The following NCAM2 variants were observed in gnomAD, a reference collection of about 807,000 sequenced individuals.
NCAM2 encodes neural cell adhesion molecule 2, also known as N-CAM-2.
A neutral mutation model predicts 98.1 loss-of-function variants in NCAM2; 30 were observed. That is an observed-to-expected ratio of 0.31 (90% confidence interval 0.23 to 0.41). The LOEUF is 0.41. Ranked by LOEUF, NCAM2 falls within the 10% of genes least tolerant of loss-of-function variation. The pLI, the probability that NCAM2 is intolerant of heterozygous loss-of-function variation, is 1.00. For missense variants in NCAM2, 867 were observed against 1,005.8 expected (o/e 0.86, Z 1.87); for synonymous variants, 368 against 342.4 (o/e 1.07, Z -0.83).
intron 1 of NCAM2, among the ~76,000 whole-genome samples, chr21:21,237,685 C>T (rs2070887733): frequency 6.6e-6 from 1 of 151,840 alleles, no homozygotes; most frequent in South Asian, 2.1e-4. Flanking sequence ...CTTGTCTTTT[C>T]AGAAATTTTA....
chr21:21,293,407 A>T (rs1393470408), intron 5 of NCAM2, among the ~76,000 whole-genome samples: 1 of 151,674 alleles, frequency 6.6e-6, no homozygotes, highest in Non-Finnish European at 1.5e-5. Context: ...CACTACTGTC[A>T]AGACAAAATC....
chr21:21,467,875 A>AAAAG (rs1045708119), intron 13 of NCAM2, among the ~76,000 whole-genome samples: 1 of 151,910 alleles, frequency 6.6e-6, no homozygotes, highest in African/African-American at 2.4e-5. Context: ...AAGAATGAAG[A>AAAAG]AAAGAAAGAA....
intron 1 of NCAM2, among the ~76,000 whole-genome samples, chr21:21,247,212 G>A (rs1169244260): frequency 1.3e-4 from 19 of 151,962 alleles, no homozygotes; most frequent in African/African-American, 4.6e-4. Context: ...CCAGCTACTC[G>A]GGAGGCTGAG....
chr21:21,123,287 G>A (rs545446741), intron 1 of NCAM2, among the ~76,000 whole-genome samples: 10 of 151,904 alleles, frequency 6.6e-5, no homozygotes, highest in Admixed American at 5.9e-4. Flanking sequence ...CCAGCTACTC[G>A]GGAGGCTGAG....
chr21:21,154,386 C>T lies in NCAM2; in HGVS notation c.56-126192C>T, dbSNP rs566075356. On this transcript the variant is annotated intron_variant, in intron 1 of 17. Transcript: ENST00000400546. ...ATTTAGGGAAATGGAATATGGATAG[C>T]ATAGTATATGCTATTAAAGAAGGAT... Among the ~76,000 whole-genome samples, 32 of 151,786 alleles carry T rather than the reference C, an allele frequency of 2.1e-4. 1 individual carries two copies. Among genetic ancestry groups the T allele is most frequent in the Admixed American group, 5.3e-4 (8 of 15,214 alleles).
intron 8 of NCAM2, among the ~76,000 whole-genome samples, chr21:21,365,027 C>CG (rs2075750034): frequency 6.6e-6 from 1 of 151,978 alleles, no homozygotes; most frequent in Admixed American, 6.6e-5. Context: ...AGATTTCAGG[C>CG]GGGAGCACAG....
chr21:21,300,025 T>G (rs897322693), intron 5 of NCAM2, among the ~76,000 whole-genome samples: 2 of 152,046 alleles, frequency 1.3e-5, no homozygotes, highest in Non-Finnish European at 2.9e-5. Context: ...TTAAAAAAAT[T>G]GTTCTATTTT....
chr21:21,253,786 A>G (rs2071559899), intron 1 of NCAM2, among the ~76,000 whole-genome samples: 1 of 152,196 alleles, frequency 6.6e-6, no homozygotes, highest in African/African-American at 2.4e-5. Context: ...TGCTTACGCT[A>G]TGAACTTGTA....
intron 1 of NCAM2, among the ~76,000 whole-genome samples, chr21:21,059,756 A>G (rs2065283946): frequency 6.6e-6 from 1 of 152,056 alleles, no homozygotes; most frequent in Non-Finnish European, 1.5e-5. Flanking sequence ...ATGTCTAGAG[A>G]CATTTTTGGT....
At chr21:21,481,220 G>A (rs1311877574) in intron 15 of NCAM2, among the ~76,000 whole-genome samples, 1 of 152,124 alleles carries the variant, frequency 6.6e-6, no homozygotes, top group Admixed American at 6.5e-5. Flanking sequence ...AATTACTGAA[G>A]AGTAGAAAGA....
intron 1 of NCAM2, among the ~76,000 whole-genome samples, chr21:21,027,442 G>A: frequency 6.6e-6 from 1 of 152,182 alleles, no homozygotes; most frequent in Non-Finnish European, 1.5e-5. Context: ...TACTTATGCA[G>A]ATTGTTCCAA....
At chr21:21,206,206 G>T (rs1281752196) in intron 1 of NCAM2, among the ~76,000 whole-genome samples, 1 of 152,060 alleles carries the variant, frequency 6.6e-6, no homozygotes, top group African/African-American at 2.4e-5. Flanking sequence ...GTTTCCATTT[G>T]TAATACATTA....
At chr21:21,044,033 C>T (rs371759212) in intron 1 of NCAM2, among the ~76,000 whole-genome samples, 1,452 of 23,220 alleles carry the variant, frequency 0.063, 19 homozygotes, top group African/African-American at 0.083. Flanking sequence ...TATTTGAAGA[C>T]TTTGTGTGTG....
chr21:21,052,181 G>A lies in NCAM2; in HGVS notation c.55+53563G>A, dbSNP rs529429429. Among the ~76,000 whole-genome samples, 11 of 117,416 alleles carry A rather than the reference G, an allele frequency of 9.4e-5. No homozygotes were observed. The East Asian group carries it at 2.3e-3, about 24-fold the overall frequency. The allele number at this position is 117,416 out of a possible 152,430, so 77.0% of individuals were successfully genotyped here. A position where few individuals can be genotyped will look rare whatever the true frequency, so the allele number is the denominator to read the frequency against. On this transcript the variant is annotated intron_variant, in intron 1 of 17. Transcript: ENST00000400546. Reference sequence around the variant, plus strand: ...TTTTTTTTTTTTTTTTTTTTGAGACGGAGTCTCGCTCTGTCGCCCAGGCTG... The same window carrying A: ...TTTTTTTTTTTTTTTTTTTTGAGACAGAGTCTCGCTCTGTCGCCCAGGCTG...
At chr21:21,370,386 C>T (rs373102201) in intron 8 of NCAM2, among the ~76,000 whole-genome samples, 1 of 151,682 alleles carries the variant, frequency 6.6e-6, no homozygotes, top group Admixed American at 6.6e-5. Context: ...ATTTTTGAAA[C>T]CAAATATTGT....
chr21:21,142,963 A>G (rs962575510), intron 1 of NCAM2, among the ~76,000 whole-genome samples: 3 of 152,178 alleles, frequency 2.0e-5, no homozygotes, highest in African/African-American at 7.2e-5. Context: ...ATCTCCCTCT[A>G]TCTTATAGAA....
At position 21,460,163 on chromosome 21, in the gene NCAM2, A is replaced by G. The variant is rs962300294; in HGVS notation, c.1655-6443A>G. Among the ~76,000 whole-genome samples the G allele has an allele frequency of 7.2e-5, 11 of 152,016 alleles. No individual in the cohort carries two copies. The East Asian group carries it at 9.7e-4, about 13-fold the overall frequency. On this transcript the variant is annotated intron_variant, in intron 12 of 17. Coordinates refer to ENST00000400546, the MANE Select transcript of NCAM2 (RefSeq NM_004540.5). ...ATTTATCATTTTTATTTTTGTTTGT[A>G]TTGAATGTTTTATTGGGAGATAATA...
At chr21:21,511,034 A>G (rs1338373644) in intron 16 of NCAM2, among the ~76,000 whole-genome samples, 2 of 152,008 alleles carry the variant, frequency 1.3e-5, no homozygotes, top group South Asian at 2.1e-4. Flanking sequence ...GGGTATTTTG[A>G]TACAGGCATA....
intron 12 of NCAM2, among the ~76,000 whole-genome samples, chr21:21,433,776 A>AAAAT (rs1555894907): frequency 6.7e-6 from 1 of 149,514 alleles, no homozygotes; most frequent in South Asian, 2.1e-4. Context: ...AAAATAAAAT[A>AAAAT]AAATAAAATA....
Sources: gnomAD v4.1 joint callset for allele counts (sites outside exome capture counted in the v4.1 genomes callset) on GRCh38, gnomAD v4.1.1 for gene constraint, MANE v1.5 for transcripts, NCBI Gene and HGNC (gene_info 2026-07-23, HGNC 2026-07-21) for gene names.